Variants in GIPC2 observed in about 807,000 individuals in gnomAD.
GIPC2 encodes PDZ domain-containing protein GIPC2.
In GIPC2, 30 loss-of-function variants were observed where a neutral mutation model predicts 30.6. The observed-to-expected ratio is 0.98, with a 90% CI of 0.73 to 1.33. The LOEUF is 1.33. GIPC2 is among the 40% of genes most tolerant of loss of function. GIPC2 has a pLI of 0.00. For synonymous variants in GIPC2, 167 were observed against 150.0 expected (o/e 1.11, Z -0.83); for missense variants, 414 against 390.3 (o/e 1.06, Z -0.51).
chr1:78,092,671 T>C (rs1662063303), intron 2 of GIPC2: 1 of 152,276 alleles, frequency 6.6e-6, no homozygotes, highest in Non-Finnish European at 1.5e-5. Flanking sequence ...CCATAAAATA[T>C]ATAATCCATG....
chr1:78,049,412 C>G (rs116399924), intron 1 of GIPC2, among the ~76,000 whole-genome samples: 1 of 152,122 alleles, frequency 6.6e-6, no homozygotes, highest in Non-Finnish European at 1.5e-5. Flanking sequence ...CTGCCCGCCT[C>G]GGCCTCCCAA....
intron 2 of GIPC2, among the ~76,000 whole-genome samples, chr1:78,090,365 T>C (rs933491248): frequency 2.6e-5 from 4 of 152,038 alleles, no homozygotes; most frequent in Non-Finnish European, 5.9e-5. Flanking sequence ...TGGGTAATTT[T>C]TGCATTTTTA....
intron 1 of GIPC2, among the ~76,000 whole-genome samples, chr1:78,062,700 G>T (rs976464895): frequency 6.6e-6 from 1 of 151,154 alleles, no homozygotes; most frequent in Non-Finnish European, 1.5e-5. Context: ...TTTTGGTAGA[G>T]ATGGGGTTTC....
At chr1:78,130,650 A>G (rs992316186) in intron 5 of GIPC2, among the ~76,000 whole-genome samples, 4 of 152,200 alleles carry the variant, frequency 2.6e-5, no homozygotes, top group African/African-American at 9.6e-5. Flanking sequence ...ACTAGCAATA[A>G]TGATGACTAA....
intron 3 of GIPC2, among the ~76,000 whole-genome samples, chr1:78,109,332 C>T (rs1171610347): frequency 6.6e-6 from 1 of 152,224 alleles, no homozygotes; most frequent in Non-Finnish European, 1.5e-5. Flanking sequence ...CAGTCAGCTT[C>T]CCCTGATCCG....
Position 78,046,153 on chromosome 1 carries a change from T to G in GIPC2, c.59T>G (p.Val20Gly). 6.5e-7 allele frequency: 1 copy of G among 1,548,304 alleles called. No individual in the cohort carries two copies. Among genetic ancestry groups the G allele is most frequent in the Non-Finnish European group, 8.7e-7 (1 of 1,149,546 alleles). The stretch of plus-strand genomic sequence containing the variant: ...AAGTCCAAGGAGACCGCCGGGCTGG[T>G]GGAGGGCGAGCCGACGGGCGCGGGC... Reference protein sequence around the residue: ...KAKSKETAGLVEGEPTGAGGG... With the variant: ...KAKSKETAGLGEGEPTGAGGG... The change falls in exon 1 of 6, where the codon GTG becomes GGG. Residue 20 changes from valine to glycine, a missense_variant. Physicochemically the swap from Val to Gly is moderately radical, Grantham distance 109. Coordinates refer to ENST00000370759, the MANE Select transcript of GIPC2 (RefSeq NM_017655.6).
intron 3 of GIPC2, among the ~76,000 whole-genome samples, chr1:78,105,531 C>G (rs990901143): frequency 1.4e-4 from 21 of 152,102 alleles, no homozygotes; most frequent in Admixed American, 1.1e-3. Flanking sequence ...CGTGATCCGC[C>G]CACCTCGGCC....
chr1:78,130,659 A>G (rs1662876977), intron 5 of GIPC2, among the ~76,000 whole-genome samples: 1 of 152,184 alleles, frequency 6.6e-6, no homozygotes, highest in South Asian at 2.1e-4. Flanking sequence ...AATGATGACT[A>G]ATCTTCAAAC....
At chr1:78,103,612 C>G (rs1225524827) in intron 3 of GIPC2, among the ~76,000 whole-genome samples, 1 of 152,200 alleles carries the variant, frequency 6.6e-6, no homozygotes, top group Non-Finnish European at 1.5e-5. Context: ...GGGCATAGCA[C>G]TCCAGTCCTG....
At chr1:78,131,112 C>A (rs1256187820) in intron 5 of GIPC2, among the ~76,000 whole-genome samples, 2 of 152,026 alleles carry the variant, frequency 1.3e-5, no homozygotes, top group African/African-American at 4.8e-5. Flanking sequence ...GCAGGGATTA[C>A]AGGTTAAACA....
chr1:78,050,377 A>G (rs929516408), intron 1 of GIPC2, among the ~76,000 whole-genome samples: 1 of 152,204 alleles, frequency 6.6e-6, no homozygotes, highest in Non-Finnish European at 1.5e-5. Context: ...ACAGTTGTGG[A>G]CTTCAGCTAG....
At chr1:78,112,477 C>A (rs1186108891) in intron 3 of GIPC2, 1 of 518,944 alleles carries the variant, frequency 1.9e-6, no homozygotes, top group South Asian at 1.4e-5. Flanking sequence ...CATCTGTGCC[C>A]ACTTCATGTT....
chr1:78,095,976 T>A (rs1390849173), intron 3 of GIPC2, among the ~76,000 whole-genome samples: 1 of 152,198 alleles, frequency 6.6e-6, no homozygotes, highest in Non-Finnish European at 1.5e-5. Flanking sequence ...ATGCAGTGGA[T>A]CTGGGGAATT....
intron 1 of GIPC2, among the ~76,000 whole-genome samples, chr1:78,069,847 G>A (rs910171442): frequency 1.3e-5 from 2 of 152,126 alleles, no homozygotes; most frequent in African/African-American, 4.8e-5. Flanking sequence ...CAAGATGTTT[G>A]ATATTTTCTC....
At chr1:78,079,774 C>T (rs999897430) in intron 1 of GIPC2, among the ~76,000 whole-genome samples, 1 of 152,162 alleles carries the variant, frequency 6.6e-6, no homozygotes, top group Non-Finnish European at 1.5e-5. Context: ...CCACAAGTTA[C>T]CCAGATTATG....
chr1:78,045,534 G>A (rs1661051689), upstream of GIPC2: 1 of 985,026 alleles, frequency 1.0e-6, no homozygotes, highest in Non-Finnish European at 1.2e-6. Context: ...CCCGGCTGAG[G>A]GGGTTTATGA....
chr1:78,074,324 G>A (rs1661674028), intron 1 of GIPC2, among the ~76,000 whole-genome samples: 1 of 152,194 alleles, frequency 6.6e-6, no homozygotes, highest in East Asian at 1.9e-4. Flanking sequence ...GAACTCTTGG[G>A]TTCAAGCAAT....
chr1:78,121,750 G>A (rs970279527), intron 4 of GIPC2, among the ~76,000 whole-genome samples: 4 of 152,174 alleles, frequency 2.6e-5, no homozygotes. Context: ...GGCATTTGGA[G>A]CCTTTATTTT....
intron 1 of GIPC2, among the ~76,000 whole-genome samples, chr1:78,080,453 C>T (rs1024432541): frequency 1.3e-5 from 2 of 152,094 alleles, no homozygotes; most frequent in Non-Finnish European, 1.5e-5. Flanking sequence ...AATTGTCTAG[C>T]GTGAAGCCTG....
Sources: gnomAD v4.1 joint callset for allele counts (sites outside exome capture counted in the v4.1 genomes callset) on GRCh38, gnomAD v4.1.1 for gene constraint, MANE v1.5 for transcripts, NCBI Gene and HGNC (gene_info 2026-07-23, HGNC 2026-07-21) for gene names.